NELL1: variants seen among roughly 807,000 people sequenced by gnomAD.
NELL1 encodes the protein neural EGFL like 1.
Under a neutral mutation model 107.4 loss-of-function variants are expected in NELL1, and 76 were observed. The ratio of observed to expected loss-of-function variants is 0.71; its 90% CI spans 0.59 to 0.86. NELL1 has a LOEUF of 0.86. Ranked by LOEUF, NELL1 falls within the 40% of genes least tolerant of loss-of-function variation. The probability of loss-of-function intolerance (pLI) is 0.00; values close to 1 mark genes in which losing one functional copy is unlikely to be tolerated. For missense variants in NELL1, 1,024 were observed against 1,005.5 expected (o/e 1.02, Z -0.25); for synonymous variants, 353 against 341.2 (o/e 1.03, Z -0.38).
At chr11:21,081,480 A>G (rs1854267754) in intron 12 of NELL1, among the ~76,000 whole-genome samples, 1 of 152,090 alleles carries the variant, frequency 6.6e-6, no homozygotes, top group Non-Finnish European at 1.5e-5. Flanking sequence ...ATGCCCAATT[A>G]CTATTTCAGC....
intron 16 of NELL1, among the ~76,000 whole-genome samples, chr11:21,546,922 A>T (rs2133984910): frequency 6.6e-6 from 1 of 152,106 alleles, no homozygotes; most frequent in Non-Finnish European, 1.5e-5. Flanking sequence ...TGTCAGCATA[A>T]AATCACTAGT....
At chr11:20,870,730 G>A (rs1347848142) in intron 4 of NELL1, among the ~76,000 whole-genome samples, 4 of 152,168 alleles carry the variant, frequency 2.6e-5, no homozygotes, top group Admixed American at 6.5e-5. Flanking sequence ...ACTATTGAAT[G>A]CCTCACATTT....
At chr11:20,998,576 C>T (rs1852143815) in intron 12 of NELL1, among the ~76,000 whole-genome samples, 1 of 152,168 alleles carries the variant, frequency 6.6e-6, no homozygotes, top group Non-Finnish European at 1.5e-5. Flanking sequence ...TATCATCTCT[C>T]CTAGGTGTGT....
At chr11:21,106,517 G>T (rs1177331730) in intron 12 of NELL1, among the ~76,000 whole-genome samples, 1 of 152,050 alleles carries the variant, frequency 6.6e-6, no homozygotes. Flanking sequence ...TGCCACTGGG[G>T]TTAAGTGTCA....
intron 7 of NELL1, chr11:20,927,098 C>A: frequency 1.9e-6 from 1 of 517,864 alleles, no homozygotes; most frequent in East Asian, 3.4e-5. Context: ...ATTCATTAGA[C>A]CATGACAGCC....
intron 12 of NELL1, among the ~76,000 whole-genome samples, chr11:20,994,690 C>T (rs1852050452): frequency 6.6e-6 from 1 of 152,064 alleles, no homozygotes; most frequent in Admixed American, 6.5e-5. Flanking sequence ...TCCAAATATG[C>T]CATTGTACTT....
intron 12 of NELL1, among the ~76,000 whole-genome samples, chr11:20,991,024 G>T (rs184156971): frequency 8.8e-4 from 134 of 152,216 alleles, no homozygotes; most frequent in Non-Finnish European, 1.5e-3. Flanking sequence ...ACCAACTCTG[G>T]TGTTTGCCCA....
At chr11:20,705,815 A>G (rs1854934079) in intron 2 of NELL1, among the ~76,000 whole-genome samples, 1 of 151,746 alleles carries the variant, frequency 6.6e-6, no homozygotes, top group African/African-American at 2.4e-5. Flanking sequence ...CAACAAATTT[A>G]CAAGAAAAAA....
rs376441564 is a variant in NELL1, at chr11:21,573,163, AT to A, written c.2158-16del. Reference sequence around the variant, plus strand: ...TTATGCATAGGAACAATAATGAGACATTTTTTGCTTTTCCTCTACAGGAAGG... The same window carrying A: ...TTATGCATAGGAACAATAATGAGACATTTTTGCTTTTCCTCTACAGGAAGG... On this transcript the variant is annotated intron_variant, in intron 18 of 19. Coordinates refer to ENST00000357134, the MANE Select transcript of NELL1 (RefSeq NM_006157.5). 108 of 1,590,390 alleles carry A rather than the reference AT, an allele frequency of 6.8e-5. No individual in the cohort carries two copies. The East Asian group carries it at 9.0e-4, about 13-fold the overall frequency.
At chr11:20,752,503 C>G (rs943545008) in intron 2 of NELL1, among the ~76,000 whole-genome samples, 4 of 152,150 alleles carry the variant, frequency 2.6e-5, no homozygotes, top group Non-Finnish European at 5.9e-5. Flanking sequence ...GAGCCAGGAT[C>G]GCACCATTGC....
At chr11:21,256,765 G>A (rs1433310912) in intron 14 of NELL1, among the ~76,000 whole-genome samples, 1 of 152,018 alleles carries the variant, frequency 6.6e-6, no homozygotes, top group African/African-American at 2.4e-5. Flanking sequence ...GAGTGTGAGT[G>A]TCTGGCTCTC....
chr11:21,046,275 A>G (rs1366321201), intron 12 of NELL1, among the ~76,000 whole-genome samples: 1 of 152,294 alleles, frequency 6.6e-6, no homozygotes, highest in Non-Finnish European at 1.5e-5. Flanking sequence ...GTGGCTTTTA[A>G]TCATAAACCA....
intron 13 of NELL1, among the ~76,000 whole-genome samples, chr11:21,114,600 A>G (rs1855188054): frequency 1.3e-5 from 2 of 151,954 alleles, no homozygotes; most frequent in Non-Finnish European, 2.9e-5. Context: ...AAAAGTTGCA[A>G]AAGTTAAGGG....
intron 9 of NELL1, among the ~76,000 whole-genome samples, chr11:20,932,955 C>T (rs941402578): frequency 6.6e-6 from 1 of 152,158 alleles, no homozygotes; most frequent in African/African-American, 2.4e-5. Flanking sequence ...AACAGCTGAG[C>T]GGGGTATTGA....
chr11:21,053,065 T>C (rs1195999426), intron 12 of NELL1, among the ~76,000 whole-genome samples: 1 of 152,110 alleles, frequency 6.6e-6, no homozygotes, highest in Non-Finnish European at 1.5e-5. Flanking sequence ...GCAGGAGGGC[T>C]CCCGTCCCAA....
At chr11:21,556,777 T>C (rs1316692968) in intron 16 of NELL1, among the ~76,000 whole-genome samples, 2 of 151,980 alleles carry the variant, frequency 1.3e-5, no homozygotes, top group East Asian at 3.9e-4. Flanking sequence ...CATTCGAGCA[T>C]GAAGCATTTA....
chr11:21,496,124 T>C (rs1854970466), intron 15 of NELL1, among the ~76,000 whole-genome samples: 1 of 152,052 alleles, frequency 6.6e-6, no homozygotes, highest in Non-Finnish European at 1.5e-5. Context: ...TGAGCTTTTT[T>C]ATGATTATGT....
At chr11:21,099,488 CT>C (rs1404377344) in intron 12 of NELL1, among the ~76,000 whole-genome samples, 1 of 152,148 alleles carries the variant, frequency 6.6e-6, no homozygotes, top group Non-Finnish European at 1.5e-5. Flanking sequence ...GCAACACCAA[CT>C]TGAGGAGACG....
intron 16 of NELL1, among the ~76,000 whole-genome samples, chr11:21,540,664 G>T (rs1856270205): frequency 6.6e-6 from 1 of 151,950 alleles, no homozygotes; most frequent in Non-Finnish European, 1.5e-5. Flanking sequence ...GAGTGAAGGG[G>T]GGAGGTACTA....
Sources: gnomAD v4.1 joint callset for allele counts (sites outside exome capture counted in the v4.1 genomes callset) on GRCh38, gnomAD v4.1.1 for gene constraint, MANE v1.5 for transcripts, NCBI Gene and HGNC (gene_info 2026-07-23, HGNC 2026-07-21) for gene names.